The following CMAS variants were observed in gnomAD, a reference collection of about 807,000 sequenced individuals.
CMAS encodes the protein cytidine monophosphate N-acetylneuraminic acid synthetase.
A neutral mutation model predicts 53.4 loss-of-function variants in CMAS; 21 were observed. The ratio of observed to expected loss-of-function variants is 0.39; its 90% CI spans 0.28 to 0.57. The LOEUF (loss-of-function observed/expected upper bound fraction) is 0.57, where lower values mean the gene tolerates loss of function less well. CMAS is among the 20% of genes least tolerant of loss of function. The pLI, the probability that CMAS is intolerant of heterozygous loss-of-function variation, is 0.56. For missense variants in CMAS, 384 were observed against 534.9 expected, an observed-to-expected ratio of 0.72 and a Z score of 2.78; for synonymous variants, 189 against 195.2, an observed-to-expected ratio of 0.97 and a Z score of 0.27.
chr12:22,055,899 T>C (rs545913871), intron 3 of CMAS, among the ~76,000 whole-genome samples: 46 of 152,300 alleles, frequency 3.0e-4, no homozygotes, highest in African/African-American at 9.9e-4. Context: ...TCAAATACTT[T>C]TATGTTTGTT....
At position 22,061,368 on chromosome 12, in the gene CMAS, T is replaced by C. The variant is rs765977755; in HGVS notation, c.876T>C (p.Tyr292=). The C allele has an allele frequency of 6.2e-6, 10 of 1,608,764 alleles. No individual in the cohort carries two copies. Among genetic ancestry groups the C allele is most frequent in the Non-Finnish European group, 8.5e-6 (10 of 1,175,900 alleles). ...GATGTCTCACCAATGGCCACATTTATGTATCAGGAGACCAAAAAGAAATAA... is the reference window on the plus strand; with the variant it reads ...GATGTCTCACCAATGGCCACATTTACGTATCAGGAGACCAAAAAGAAATAA... ...IDGCLTNGHI[Y]VSGDQKEIIS... The change falls in exon 6 of 8, where the codon TAT becomes TAC. Residue 292 remains tyrosine, a synonymous_variant. Transcript: ENST00000229329.
chr12:22,053,804 G>A (rs1326369691), intron 1 of CMAS, among the ~76,000 whole-genome samples: 1 of 150,026 alleles, frequency 6.7e-6, no homozygotes, highest in Non-Finnish European at 1.5e-5. Context: ...GCATGAACCT[G>A]GGAGGCGGAG....
In CMAS at chr12:22,065,604, T is replaced by C. The variant is rs1950342318; in HGVS notation, c.*293T>C. On this transcript the variant is annotated 3_prime_UTR_variant, in exon 8 of 8. Coordinates refer to ENST00000229329, the MANE Select transcript of CMAS (RefSeq NM_018686.6). ...TTCAAAGATGTTGGGATTTTATTTATCTGGGGACAGTGTGTATGGTAAGAC... is the reference window on the plus strand; with the variant it reads ...TTCAAAGATGTTGGGATTTTATTTACCTGGGGACAGTGTGTATGGTAAGAC... The C allele has an allele frequency of 4.3e-6, 1 of 231,536 alleles. No homozygotes were observed. The highest frequency in any genetic ancestry group is 5.2e-5 in the Admixed American group (1 of 19,112). 14.3% of individuals were successfully genotyped at this position (231,536 alleles called of 1,614,324 possible).
chr12:22,060,275 C>CTGTT (rs1950299439), intron 4 of CMAS, among the ~76,000 whole-genome samples: 1 of 134,848 alleles, frequency 7.4e-6, no homozygotes, highest in African/African-American at 2.8e-5. Context: ...GGAACTTGAA[C>CTGTT]TGTTTAGATA....
chr12:22,051,259 AAG>A (rs1950238331), intron 1 of CMAS, among the ~76,000 whole-genome samples: 1 of 152,232 alleles, frequency 6.6e-6, no homozygotes, highest in Non-Finnish European at 1.5e-5. Context: ...TTGATTTTGT[AAG>A]AGCTTAATTT....
rs571682380 is a variant in CMAS, at chr12:22,059,128, T to A, written c.693+428T>A. On this transcript the variant is annotated intron_variant, in intron 4 of 7. Coordinates refer to ENST00000229329, the MANE Select transcript of CMAS (RefSeq NM_018686.6). ...GGGTGTCAGGAAACCCGGAATCTTTTTATATATATATATATATATATTTTT... is the reference window on the plus strand; with the variant it reads ...GGGTGTCAGGAAACCCGGAATCTTTATATATATATATATATATATATTTTT... 5.1e-3 allele frequency among the ~76,000 whole-genome samples: 701 copies of A among 136,892 alleles called. 2 individuals are homozygous for A. Among genetic ancestry groups the A allele is most frequent in the East Asian group, 6.4e-3 (30 of 4,694 alleles). 89.8% of individuals were successfully genotyped at this position (136,892 alleles called of 152,430 possible). A position where few individuals can be genotyped will look rare whatever the true frequency, so the allele number is the denominator to read the frequency against.
chr12:22,050,614 T>C (rs1210705668), intron 1 of CMAS, among the ~76,000 whole-genome samples: 1 of 152,232 alleles, frequency 6.6e-6, no homozygotes, highest in African/African-American at 2.4e-5. Flanking sequence ...CAGCAGACTT[T>C]TTCTGTAAAG....
chr12:22,057,240 T>TACAC lies in CMAS; in HGVS notation c.560-1295_560-1292dup, dbSNP rs71053372. 3.7e-3 allele frequency among the ~76,000 whole-genome samples: 431 copies of TACAC among 118,044 alleles called. 5 individuals carry two copies. The highest frequency in any genetic ancestry group is 0.016 in the African/African-American group (362 of 23,074). The allele number at this position is 118,044 out of a possible 152,430, so 77.4% of individuals were successfully genotyped here. ...TAACCAGCTATTACACACACACACA[T>TACAC]ACACACACACACACACACACACACA... On this transcript the variant is annotated intron_variant, in intron 3 of 7. Coordinates refer to ENST00000229329, the MANE Select transcript of CMAS (RefSeq NM_018686.6).
At chr12:22,060,256 C>A (rs4409896) in intron 4 of CMAS, among the ~76,000 whole-genome samples, 1 of 136,948 alleles carries the variant, frequency 7.3e-6, no homozygotes, top group Non-Finnish European at 1.5e-5. Flanking sequence ...TAGAAATTTT[C>A]TTAAATAGGG....
Position 22,058,547 on chromosome 12 carries a change from C to A in CMAS, c.560-20C>A, listed in dbSNP as rs757379755. ...CTATATTCAGGGCAACGTGGACTTA[C>A]TCTAACTTTTTGCTTTTAGTTCGTG... On this transcript the variant is annotated intron_variant, in intron 3 of 7. Transcript: ENST00000229329. 6.2e-7 allele frequency: 1 copy of A among 1,605,176 alleles called. No homozygotes were observed. Among genetic ancestry groups the A allele is most frequent in the South Asian group, 1.1e-5 (1 of 89,086 alleles).
chr12:22,063,644 T>A (rs1408221218), intron 7 of CMAS: 2 of 151,228 alleles, frequency 1.3e-5, no homozygotes, highest in East Asian at 3.8e-4. Context: ...CAAATAGTGA[T>A]AATTAGGATG....
At chr12:22,054,386 C>T (rs1156758607) in intron 1 of CMAS, among the ~76,000 whole-genome samples, 1 of 144,874 alleles carries the variant, frequency 6.9e-6, no homozygotes, top group Admixed American at 7.1e-5. Flanking sequence ...ACTGTGTAAC[C>T]TGCGGTTAAT....
chr12:22,063,987 A>G (rs1253595649), intron 7 of CMAS: 1 of 151,926 alleles, frequency 6.6e-6, no homozygotes, highest in Non-Finnish European at 1.5e-5. Flanking sequence ...ACATAAGTGT[A>G]TAAAAATATA....
intron 1 of CMAS, among the ~76,000 whole-genome samples, chr12:22,049,083 A>AT (rs1338044694): frequency 6.6e-6 from 1 of 152,156 alleles, no homozygotes; most frequent in African/African-American, 2.4e-5. Context: ...AGCAGTCCTC[A>AT]TATTCTTACA....
intron 7 of CMAS, chr12:22,064,056 G>A (rs139008131): frequency 5.1e-4 from 78 of 152,104 alleles, no homozygotes; most frequent in African/African-American, 1.6e-3. Context: ...CTTAAAGGCT[G>A]GATTATGCAA....
chr12:22,058,554 T>A lies in CMAS; in HGVS notation c.560-13T>A. Reference sequence around the variant, plus strand: ...CAGGGCAACGTGGACTTACTCTAACTTTTTGCTTTTAGTTCGTGAAGTGAC... The same window carrying A: ...CAGGGCAACGTGGACTTACTCTAACATTTTGCTTTTAGTTCGTGAAGTGAC... On this transcript the variant is annotated splice_polypyrimidine_tract_variant and intron_variant, in intron 3 of 7. Coordinates refer to ENST00000229329, the MANE Select transcript of CMAS (RefSeq NM_018686.6). The A allele has an allele frequency of 6.2e-7, 1 of 1,607,630 alleles. No homozygotes were observed. Among genetic ancestry groups the A allele is most frequent in the Non-Finnish European group, 8.5e-7 (1 of 1,177,596 alleles).
At chr12:22,056,126 T>G (rs1173003001) in intron 3 of CMAS, among the ~76,000 whole-genome samples, 8 of 152,214 alleles carry the variant, frequency 5.3e-5, no homozygotes, top group Admixed American at 6.5e-5. Flanking sequence ...ACTGTGTTTT[T>G]CCATTCAGTA....
At chr12:22,058,430 A>G (rs1479588583) in intron 3 of CMAS, 137 bp from the exon 4 acceptor site, 2 of 772,464 alleles carry the variant, frequency 2.6e-6, no homozygotes, top group Non-Finnish European at 4.1e-6. Context: ...GTCTCAAAAA[A>G]AAAAAAAGAA....
chr12:22,049,435 C>G (rs1282614645), intron 1 of CMAS, among the ~76,000 whole-genome samples: 1 of 152,168 alleles, frequency 6.6e-6, no homozygotes, highest in East Asian at 1.9e-4. Flanking sequence ...AATGATTTTC[C>G]CATTTCCACA....
Sources: allele counts gnomAD v4.1 joint callset (sites outside exome capture counted in the v4.1 genomes callset), GRCh38; gene constraint gnomAD v4.1.1; transcripts MANE v1.5; gene names NCBI Gene and HGNC (gene_info 2026-07-23, HGNC 2026-07-21).